The following TECTB variants were observed in gnomAD, a reference collection of about 807,000 sequenced individuals.
TECTB encodes tectorin beta.
A neutral mutation model predicts 43.3 loss-of-function variants in TECTB; 45 were observed. That is an observed-to-expected ratio of 1.04 (90% confidence interval 0.82 to 1.33). The LOEUF is 1.33. Ranked by LOEUF, TECTB falls within the 40% of genes most tolerant of loss-of-function variation. TECTB has a pLI of 0.00. For synonymous variants in TECTB, 169 were observed against 156.7 expected (o/e 1.08, Z -0.59); for missense variants, 399 against 404.7 (o/e 0.99, Z 0.12).
At chr10:112,299,440 G>A (rs1489480634) in intron 8 of TECTB, 52 bp from the exon 9 acceptor site, 33 of 1,561,596 alleles carry the variant, frequency 2.1e-5, no homozygotes, top group South Asian at 1.7e-4. Context: ...CTTTGCTCAC[G>A]CATCATCCCA....
chr10:112,291,040 C>A (rs1394930041), intron 5 of TECTB, among the ~76,000 whole-genome samples: 1 of 152,028 alleles, frequency 6.6e-6, no homozygotes, highest in Admixed American at 6.6e-5. Flanking sequence ...GCAGGATGTG[C>A]AAGTTTGTTA....
At chr10:112,291,964 G>A (rs986266678) in intron 5 of TECTB, among the ~76,000 whole-genome samples, 3 of 152,066 alleles carry the variant, frequency 2.0e-5, no homozygotes, top group Admixed American at 6.6e-5. Context: ...GTGAAACCCT[G>A]TCTCTACTAA....
intron 5 of TECTB, among the ~76,000 whole-genome samples, chr10:112,291,062 A>AT (rs1848495175): frequency 6.6e-6 from 1 of 152,146 alleles, no homozygotes; most frequent in Admixed American, 6.5e-5. Context: ...ACTGGTAAAC[A>AT]TATGTCATGG....
rs551864102 is a variant in TECTB, at chr10:112,298,205, G to C, written c.808G>C (p.Asp270His). 3 of 1,614,060 alleles carry C rather than the reference G, an allele frequency of 1.9e-6. No homozygotes were observed. The highest frequency in any genetic ancestry group is 2.5e-6 in the Non-Finnish European group (3 of 1,179,990). The change falls in exon 8 of 11, where the codon GAC becomes CAC. Residue 270 changes from aspartate to histidine, a missense_variant. Coordinates refer to ENST00000646139, the MANE Select transcript of TECTB (RefSeq NM_058222.3). ...GTTACACTGTGAGACGTTCATCTGCGACAGTGAGAAACTCTCCTGCCCAGT... is the reference window on the plus strand; with the variant it reads ...GTTACACTGTGAGACGTTCATCTGCCACAGTGAGAAACTCTCCTGCCCAGT... ...VWLHCETFIC[D>H]SEKLSCPVTC...
At chr10:112,299,728 C>T (rs777625245) in intron 9 of TECTB, 164 bp downstream of exon 9, 10 of 662,038 alleles carry the variant, frequency 1.5e-5, no homozygotes, top group Admixed American at 5.8e-5. Flanking sequence ...GGGTGGGGAA[C>T]AGCTCAAGCC....
At chr10:112,296,854 A>C (rs1417252036) in intron 7 of TECTB, among the ~76,000 whole-genome samples, 1 of 152,126 alleles carries the variant, frequency 6.6e-6, no homozygotes, top group Admixed American at 6.6e-5. Flanking sequence ...TTTACCATAC[A>C]AGAAGAAAGA....
At chr10:112,296,035 A>T (rs565695046) in intron 7 of TECTB, among the ~76,000 whole-genome samples, 1 of 152,286 alleles carries the variant, frequency 6.6e-6, no homozygotes, top group South Asian at 2.1e-4. Flanking sequence ...CCATTTCTAC[A>T]TTCTTCCTAG....
intron 3 of TECTB, among the ~76,000 whole-genome samples, chr10:112,285,216 T>G (rs1422478053): frequency 6.6e-6 from 1 of 152,224 alleles, no homozygotes; most frequent in African/African-American, 2.4e-5. Flanking sequence ...AGACGCCCTC[T>G]TACCAAGTAT....
At position 112,283,444 on chromosome 10, in the gene TECTB, G is replaced by A; in HGVS notation, c.-140G>A. 1 of 397,846 alleles carries A rather than the reference G, an allele frequency of 2.5e-6. No individual in the cohort carries two copies. 24.6% of individuals were successfully genotyped at this position (397,846 alleles called of 1,614,324 possible). A position where few individuals can be genotyped will look rare whatever the true frequency, so the allele number is the denominator to read the frequency against. On this transcript the variant is annotated 5_prime_UTR_variant, in exon 1 of 11. Coordinates refer to ENST00000646139, the MANE Select transcript of TECTB (RefSeq NM_058222.3). ...CAGCCAGCCTCTACAGTCCGGAGAGGATGAAACAGTCGGGAACATGAACAA... is the reference window on the plus strand; with the variant it reads ...CAGCCAGCCTCTACAGTCCGGAGAGAATGAAACAGTCGGGAACATGAACAA...
chr10:112,302,033 C>T, intron 9 of TECTB, 68 bp from the exon 10 acceptor site: 3 of 1,576,760 alleles, frequency 1.9e-6, no homozygotes, highest in Non-Finnish European at 2.6e-6. Context: ...GTAGAAACAT[C>T]ACTCTGAGAC....
rs770882080 is a variant in TECTB, at chr10:112,303,274, C to G, written c.952C>G (p.His318Asp). 1.2e-6 allele frequency: 2 copies of G among 1,614,146 alleles called. No homozygotes were observed. The highest frequency in any genetic ancestry group is 1.7e-6 in the Non-Finnish European group (2 of 1,180,022). Reference sequence around the variant, plus strand: ...CTTCTGGTCCACAGATGTTCTCCACCACCTCATCATGATGTTGGGGATTTG... The same window carrying G: ...CTTCTGGTCCACAGATGTTCTCCACGACCTCATCATGATGTTGGGGATTTG... ...SLYSFSDVLH[H>D]LIMMLGICAV... Residue 318 changes from histidine to aspartate, a missense_variant, in exon 11 of 11, where the codon CAC becomes GAC. Transcript: ENST00000646139.
intron 6 of TECTB, 36 bp from the exon 7 acceptor site, chr10:112,293,942 C>T (rs1564708709): frequency 3.7e-6 from 6 of 1,611,236 alleles, no homozygotes; most frequent in Non-Finnish European, 3.4e-6. Flanking sequence ...ATAAGATTCT[C>T]TGTTTCAAAG....
chr10:112,300,294 AG>A (rs1169030139), intron 9 of TECTB, among the ~76,000 whole-genome samples: 3 of 114,338 alleles, frequency 2.6e-5, no homozygotes, highest in East Asian at 3.1e-4. Context: ...AAAGAAAGAA[AG>A]AAAGAAAGAA....
At chr10:112,287,980 C>T (rs1287284586) in intron 5 of TECTB, among the ~76,000 whole-genome samples, 1 of 152,024 alleles carries the variant, frequency 6.6e-6, no homozygotes, top group African/African-American at 2.4e-5. Flanking sequence ...AGCCCTTGAC[C>T]TATAATCGGG....
In TECTB at chr10:112,299,479, T is replaced by C; in HGVS notation, c.835-13T>C. On this transcript the variant is annotated splice_polypyrimidine_tract_variant and intron_variant, in intron 8 of 10. Transcript: ENST00000646139. Reference sequence around the variant, plus strand: ...TCCCCGCTTCTCTCCTGTCTGCCTCTCTGGGTCTTCAGACCTGCGATAAAC... The same window carrying C: ...TCCCCGCTTCTCTCCTGTCTGCCTCCCTGGGTCTTCAGACCTGCGATAAAC... 6.2e-7 allele frequency: 1 copy of C among 1,614,190 alleles called. No homozygotes were observed. Among genetic ancestry groups the C allele is most frequent in the South Asian group, 1.1e-5 (1 of 91,086 alleles).
intron 7 of TECTB, 50 bp from the exon 8 acceptor site, chr10:112,298,019 C>A (rs1172101014): frequency 6.2e-7 from 1 of 1,610,922 alleles, no homozygotes; most frequent in African/African-American, 1.3e-5. Flanking sequence ...GCAGCTCTTG[C>A]TGGAGTTCAA....
chr10:112,284,811 G>A, intron 3 of TECTB, 86 bp downstream of exon 3: 1 of 1,231,428 alleles, frequency 8.1e-7, no homozygotes, highest in Admixed American at 3.4e-5. Context: ...TCCTTGAAAG[G>A]ATTCAGAATT....
At chr10:112,297,241 G>A (rs747620707) in intron 7 of TECTB, among the ~76,000 whole-genome samples, 13 of 152,130 alleles carry the variant, frequency 8.5e-5, no homozygotes, top group South Asian at 2.1e-4. Flanking sequence ...CTAGATACCA[G>A]CAGCACTTCC....
At chr10:112,297,977 C>T in intron 7 of TECTB, 92 bp from the exon 8 acceptor site, 1 of 1,562,696 alleles carries the variant, frequency 6.4e-7, no homozygotes, top group Admixed American at 1.7e-5. Flanking sequence ...GGTCATATAA[C>T]CACCTCGGGA....
Sources: allele counts gnomAD v4.1 joint callset (sites outside exome capture counted in the v4.1 genomes callset), GRCh38; gene constraint gnomAD v4.1.1; transcripts MANE v1.5; gene names NCBI Gene and HGNC (gene_info 2026-07-23, HGNC 2026-07-21).